Variants in AOPEP observed in about 807,000 individuals in gnomAD.
AOPEP encodes the protein aminopeptidase O (putative), also known as aminopeptidase O.
Under a neutral mutation model 98.1 loss-of-function variants are expected in AOPEP, and 77 were observed. The ratio of observed to expected loss-of-function variants is 0.78; its 90% CI spans 0.65 to 0.95. AOPEP has a LOEUF of 0.95. Among genes scored for constraint, AOPEP ranks in the 40% least tolerant of loss-of-function variants. The pLI is 0.00. For missense variants in AOPEP, 1,024 were observed against 1,024.7 expected, an observed-to-expected ratio of 1.00 and a Z score of 0.01; for synonymous variants, 346 against 365.3, an observed-to-expected ratio of 0.95 and a Z score of 0.60.
chr9:95,115,776 T>G, the AOPEP span, among the ~76,000 whole-genome samples: 1 of 152,368 alleles, frequency 6.6e-6, no homozygotes, highest in East Asian at 1.9e-4. Context: ...CACAGCCTTT[T>G]GAAGGTATTT....
chr9:94,923,965 T>C, intron 5 of AOPEP, 21 bp from the exon 6 acceptor site: 1 of 1,379,110 alleles, frequency 7.3e-7, no homozygotes, highest in South Asian at 1.8e-5. Flanking sequence ...CTCTGTGCAT[T>C]TTCTCCCCCA....
rs1444234608 is a variant in AOPEP, at chr9:95,005,564, A to G, written c.2063A>G (p.Asn688Ser). ...CAGGTCACGAAATGGATTGGAGTGA[A>G]CCGGAGACCCCGAAAACGGAAGCGC... is the stretch of plus-strand genomic sequence containing the variant. Reference protein sequence around the residue: ...RAEVTKWIGVNRRPRKRKRRE... With the variant: ...RAEVTKWIGVSRRPRKRKRRE... The change falls in exon 13 of 17, where the codon AAC becomes AGC. Residue 688 changes from asparagine (N) to serine (S), a missense_variant. Asn to Ser is a conservative substitution (Grantham distance 46, BLOSUM62 1). Transcript: ENST00000375315. 6.2e-7 allele frequency: 1 copy of G among 1,614,064 alleles called. No homozygotes were observed.
At chr9:95,120,285 T>G in the AOPEP span, among the ~76,000 whole-genome samples, 1 of 152,220 alleles carries the variant, frequency 6.6e-6, no homozygotes, top group Non-Finnish European at 1.5e-5. Context: ...CCCCATTGAA[T>G]TGTCTTGGCA....
chr9:94,746,175 G>A (rs971034916), intron 1 of AOPEP, among the ~76,000 whole-genome samples: 3 of 152,220 alleles, frequency 2.0e-5, no homozygotes, highest in African/African-American at 7.2e-5. Context: ...TCCAGCCAGT[G>A]GGTTTCCTCT....
chr9:94,760,022 G>C lies in AOPEP; in HGVS notation c.239G>C (p.Cys80Ser). 1 of 1,614,188 alleles carries C rather than the reference G, an allele frequency of 6.2e-7. No homozygotes were observed. Among genetic ancestry groups the C allele is most frequent in the Non-Finnish European group, 8.5e-7 (1 of 1,180,034 alleles). Reference protein sequence around the residue: ...KACKFGMPEPCHIPVTNARTF... With the variant: ...KACKFGMPEPSHIPVTNARTF... The stretch of plus-strand genomic sequence containing the variant: ...TGCAAATTTGGGATGCCTGAACCCT[G>C]CCATATTCCCGTGACAAATGCAAGG... Residue 80 changes from cysteine (C) to serine (S), a missense_variant, in exon 2 of 17, where the codon TGC becomes TCC. By Grantham distance (112) the Cys-to-Ser change is moderately radical (BLOSUM62 -1). Around this residue, in one of 3 missense-constraint regions of AOPEP, gnomAD observed 440 missense variants for 433.8 expected, o/e 1.01. Coordinates refer to ENST00000375315, the MANE Select transcript of AOPEP (RefSeq NM_001193329.3).
chr9:94,880,788 G>A (rs1220394534), intron 5 of AOPEP, among the ~76,000 whole-genome samples: 7 of 152,254 alleles, frequency 4.6e-5, no homozygotes, highest in South Asian at 4.1e-4. Flanking sequence ...CCAGCTGAGC[G>A]GACTTAAATT....
At chr9:94,785,305 A>G (rs985686644) in intron 3 of AOPEP, among the ~76,000 whole-genome samples, 2 of 152,246 alleles carry the variant, frequency 1.3e-5, no homozygotes, top group African/African-American at 4.8e-5. Flanking sequence ...TATAGCTGCA[A>G]AAAGCACAGT....
At chr9:95,053,564 G>A (rs1013830959) in intron 13 of AOPEP, among the ~76,000 whole-genome samples, 3 of 152,170 alleles carry the variant, frequency 2.0e-5, no homozygotes, top group Admixed American at 1.3e-4. Context: ...ATAAGTTAAT[G>A]TATAACTAGA....
chr9:95,023,681 G>A (rs1051680803), intron 13 of AOPEP, among the ~76,000 whole-genome samples: 1 of 151,980 alleles, frequency 6.6e-6, no homozygotes, highest in African/African-American at 2.4e-5. Flanking sequence ...CAAGTGTTGA[G>A]ATCTCCCCTG....
the AOPEP span, among the ~76,000 whole-genome samples, chr9:95,117,984 A>G: frequency 6.6e-6 from 1 of 151,726 alleles, no homozygotes; most frequent in Non-Finnish European, 1.5e-5. Context: ...GGCCTCCCAA[A>G]GTACTGGGAT....
chr9:95,132,347 T>C, the AOPEP span, among the ~76,000 whole-genome samples: 1 of 152,194 alleles, frequency 6.6e-6, no homozygotes, highest in African/African-American at 2.4e-5. Flanking sequence ...TCCTTCTAAT[T>C]TGGGGCCAGC....
intron 5 of AOPEP, among the ~76,000 whole-genome samples, chr9:94,890,023 T>A (rs1177566580): frequency 6.6e-6 from 1 of 151,012 alleles, no homozygotes; most frequent in Admixed American, 6.6e-5. Flanking sequence ...TTGTATTACT[T>A]GATTTTTTTT....
chr9:94,775,854 C>T (rs930716628), intron 3 of AOPEP, among the ~76,000 whole-genome samples: 9 of 151,902 alleles, frequency 5.9e-5, no homozygotes, highest in African/African-American at 9.7e-5. Flanking sequence ...GGCGTGGTGG[C>T]GGGCGCCTGT....
At chr9:94,804,778 G>A (rs773766263) in intron 5 of AOPEP, among the ~76,000 whole-genome samples, 15 of 152,182 alleles carry the variant, frequency 9.9e-5, no homozygotes, top group Non-Finnish European at 1.3e-4. Context: ...ATTAGTGTAC[G>A]TGAAACAAGT....
Position 95,062,495 on chromosome 9 carries a change from G to A in AOPEP, c.2232+1685G>A, listed in dbSNP as rs980662543. The stretch of plus-strand genomic sequence containing the variant: ...GCAGCGTGTTCGGGATGTAGCGGCT[G>A]CAAGTGAGAAGCCTATTCCATGGTT... On this transcript the variant is annotated intron_variant, in intron 14 of 16. Coordinates refer to ENST00000375315, the MANE Select transcript of AOPEP (RefSeq NM_001193329.3). Among the ~76,000 whole-genome samples, 9 of 152,328 alleles carry A rather than the reference G, an allele frequency of 5.9e-5. No individual in the cohort carries two copies. In the East Asian group the frequency reaches 1.7e-3, roughly 29 times the overall value.
intron 14 of AOPEP, among the ~76,000 whole-genome samples, chr9:95,063,436 C>T (rs1011421352): frequency 3.9e-5 from 6 of 152,044 alleles, no homozygotes; most frequent in Admixed American, 1.3e-4. Context: ...TGAGCGCTTT[C>T]AGATCTCCGC....
At chr9:94,851,426 A>T (rs1240892667) in intron 5 of AOPEP, among the ~76,000 whole-genome samples, 1 of 152,194 alleles carries the variant, frequency 6.6e-6, no homozygotes, top group Non-Finnish European at 1.5e-5. Flanking sequence ...ATGTGTCAGT[A>T]TGCATAGGTA....
At chr9:95,120,905 A>AT in the AOPEP span, among the ~76,000 whole-genome samples, 116 of 151,796 alleles carry the variant, frequency 7.6e-4, no homozygotes, top group African/African-American at 2.7e-3. Context: ...TTACACTTCT[A>AT]TTTTTTGGCA....
At chr9:95,148,586 G>A in the AOPEP span, among the ~76,000 whole-genome samples, 1 of 152,174 alleles carries the variant, frequency 6.6e-6, no homozygotes, top group African/African-American at 2.4e-5. Flanking sequence ...AGTCATTTCT[G>A]ATGAGCTCCA....
Sources: gnomAD v4.1 joint callset for allele counts (sites outside exome capture counted in the v4.1 genomes callset) on GRCh38, gnomAD v4.1.1 for gene constraint, gnomAD v4.1.1 regional missense constraint, MANE v1.5 for transcripts, NCBI Gene and HGNC (gene_info 2026-07-23, HGNC 2026-07-21) for gene names.